The following PDLIM5 variants were observed in gnomAD, a reference collection of about 807,000 sequenced individuals.
PDLIM5 encodes PDZ and LIM domain protein 5.
In PDLIM5, 34 loss-of-function variants were observed where a neutral mutation model predicts 64.2. The observed-to-expected ratio is 0.53, with a 90% CI of 0.40 to 0.71. PDLIM5 has a LOEUF of 0.71. PDLIM5 is among the 30% of genes least tolerant of loss of function. PDLIM5 has a pLI of 0.00. For missense variants in PDLIM5, 683 were observed against 733.6 expected, an observed-to-expected ratio of 0.93 and a Z score of 0.80; for synonymous variants, 253 against 269.1, an observed-to-expected ratio of 0.94 and a Z score of 0.59.
chr4:94,457,303 T>G (rs1258533086), intron 2 of PDLIM5: 2 of 281,132 alleles, frequency 7.1e-6, no homozygotes, highest in Non-Finnish European at 1.1e-5. Context: ...AGTATATATA[T>G]GTAATCCAGC....
intron 2 of PDLIM5, among the ~76,000 whole-genome samples, chr4:94,490,161 G>A (rs1174958298): frequency 6.6e-6 from 1 of 151,320 alleles, no homozygotes; most frequent in Non-Finnish European, 1.5e-5. Context: ...GTAATAATTT[G>A]TATGCAAATT....
At chr4:94,542,332 A>AAATAAATAAAT (rs1553953459) in intron 3 of PDLIM5, among the ~76,000 whole-genome samples, 1 of 150,184 alleles carries the variant, frequency 6.7e-6, no homozygotes, top group Non-Finnish European at 1.5e-5. Flanking sequence ...ATAAATAAAT[A>AAATAAATAAAT]AAGTAAGTAA....
chr4:94,493,438 G>A (rs1727052054), intron 2 of PDLIM5, among the ~76,000 whole-genome samples: 3 of 151,974 alleles, frequency 2.0e-5, no homozygotes, highest in Admixed American at 1.3e-4. Context: ...AGCCTGCCGA[G>A]TAGCTGGGAC....
intron 7 of PDLIM5, among the ~76,000 whole-genome samples, chr4:94,590,395 G>T (rs902127682): frequency 6.6e-6 from 1 of 152,198 alleles, no homozygotes; most frequent in Admixed American, 6.5e-5. Flanking sequence ...CATATAAATT[G>T]TAAATATTTA....
chr4:94,628,520 C>A (rs1345911151), intron 8 of PDLIM5, among the ~76,000 whole-genome samples: 1 of 150,868 alleles, frequency 6.6e-6, no homozygotes, highest in African/African-American at 2.4e-5. Context: ...CTTAAAATAT[C>A]TCTTTTTTTT....
intron 7 of PDLIM5, chr4:94,587,791 T>TC: frequency 1.1e-6 from 1 of 902,688 alleles, no homozygotes; most frequent in Non-Finnish European, 1.3e-6. Context: ...AAAGGAAATA[T>TC]CTCTAGTGGA....
chr4:94,653,081 A>G (rs940847910), intron 9 of PDLIM5, among the ~76,000 whole-genome samples: 2 of 152,140 alleles, frequency 1.3e-5, no homozygotes, highest in Non-Finnish European at 2.9e-5. Context: ...TCTGCCTGGA[A>G]GTCTGGTGTC....
intron 2 of PDLIM5, among the ~76,000 whole-genome samples, chr4:94,485,957 G>T (rs568133145): frequency 6.6e-6 from 1 of 152,074 alleles, no homozygotes; most frequent in African/African-American, 2.4e-5. Flanking sequence ...AGTCAATTAC[G>T]AATTGGGACT....
intron 3 of PDLIM5, among the ~76,000 whole-genome samples, chr4:94,532,586 G>A (rs1730986037): frequency 1.3e-5 from 2 of 152,150 alleles, no homozygotes; most frequent in Admixed American, 6.5e-5. Flanking sequence ...AATCCTTCCG[G>A]GTGGCAGACG....
chr4:94,508,188 T>C (rs1460610260), intron 2 of PDLIM5, among the ~76,000 whole-genome samples: 1 of 152,204 alleles, frequency 6.6e-6, no homozygotes, highest in Admixed American at 6.5e-5. Context: ...ATTTGATTTC[T>C]GTAGGGGAAG....
intron 8 of PDLIM5, among the ~76,000 whole-genome samples, chr4:94,632,250 C>T (rs1740216353): frequency 6.6e-6 from 1 of 152,182 alleles, no homozygotes; most frequent in Non-Finnish European, 1.5e-5. Flanking sequence ...TGGTACATAG[C>T]AGTTGTTCAA....
Position 94,618,155 on chromosome 4 carries a change from A to T in PDLIM5, c.1072A>T (p.Ile358Phe), listed in dbSNP as rs773106948. ...CAAGCCTGTAGGATCCACTGGCGTC[A>T]TCAAGTCACCAAGCTGGCAACGGCC... Reference protein sequence around the residue: ...AFKPVGSTGVIKSPSWQRPNQ... With the variant: ...AFKPVGSTGVFKSPSWQRPNQ... The change falls in exon 8 of 13, where the codon ATC becomes TTC. Residue 358 changes from isoleucine to phenylalanine, a missense_variant. Coordinates refer to ENST00000317968, the MANE Select transcript of PDLIM5 (RefSeq NM_006457.5). The T allele has an allele frequency of 6.2e-7, 1 of 1,606,448 alleles. No homozygotes were observed. Among genetic ancestry groups the T allele is most frequent in the Non-Finnish European group, 8.5e-7 (1 of 1,176,822 alleles).
intron 3 of PDLIM5, among the ~76,000 whole-genome samples, chr4:94,568,613 A>G (rs1185028159): frequency 6.6e-6 from 1 of 151,812 alleles, no homozygotes; most frequent in Non-Finnish European, 1.5e-5. Context: ...TTGAGTGTGG[A>G]CATGAGGCAC....
At chr4:94,656,692 T>C (rs1742232744) in intron 10 of PDLIM5, 1 of 151,448 alleles carries the variant, frequency 6.6e-6, no homozygotes, top group Non-Finnish European at 1.5e-5. Context: ...TGGAGTGCAG[T>C]GGCGCGATAT....
chr4:94,556,124 A>C (rs9684901), intron 3 of PDLIM5, among the ~76,000 whole-genome samples: 37,496 of 135,118 alleles, frequency 0.28, 5,289 homozygotes, highest in East Asian at 0.43. Context: ...TCTCATGGTT[A>C]AATTCCCACC....
At chr4:94,547,026 C>A (rs527306189) in intron 3 of PDLIM5, among the ~76,000 whole-genome samples, 3 of 151,854 alleles carry the variant, frequency 2.0e-5, no homozygotes, top group South Asian at 2.1e-4. Flanking sequence ...CCCAGAAACC[C>A]CAGAACATGG....
chr4:94,474,400 G>A (rs1254927896), intron 2 of PDLIM5, among the ~76,000 whole-genome samples: 6 of 151,994 alleles, frequency 3.9e-5, no homozygotes, highest in Admixed American at 1.3e-4. Context: ...ACAGGCATGC[G>A]CCACCACGCC....
At chr4:94,537,102 G>A (rs987363205) in intron 3 of PDLIM5, among the ~76,000 whole-genome samples, 2 of 152,082 alleles carry the variant, frequency 1.3e-5, no homozygotes, top group African/African-American at 2.4e-5. Flanking sequence ...ATTGAAATGC[G>A]GATGAAAAAT....
intron 9 of PDLIM5, among the ~76,000 whole-genome samples, chr4:94,653,534 G>A (rs1277587784): frequency 4.1e-5 from 6 of 145,718 alleles, no homozygotes; most frequent in African/African-American, 1.5e-4. Flanking sequence ...TGACCATAAA[G>A]TATTTAATGG....
Sources: gnomAD v4.1 joint callset for allele counts (sites outside exome capture counted in the v4.1 genomes callset) on GRCh38, gnomAD v4.1.1 for gene constraint, MANE v1.5 for transcripts, NCBI Gene and HGNC (gene_info 2026-07-23, HGNC 2026-07-21) for gene names.